TRIM66: variants seen among roughly 807,000 people sequenced by gnomAD.
TRIM66 encodes the protein tripartite motif-containing protein 66.
In TRIM66, 99 loss-of-function variants were observed where a neutral mutation model predicts 148.2. That is an observed-to-expected ratio of 0.67 (90% CI 0.57 to 0.79). The LOEUF is 0.79. TRIM66 is among the 30% of genes least tolerant of loss of function. TRIM66 has a pLI of 0.00. For missense variants in TRIM66, 1,666 were observed against 1,697.9 expected, an observed-to-expected ratio of 0.98 and a Z score of 0.33; for synonymous variants, 616 against 635.9, an observed-to-expected ratio of 0.97 and a Z score of 0.47.
chr11:8,648,572 G>A (rs2037070312), intron 8 of TRIM66, 24 bp from the exon 9 acceptor site: 2 of 1,551,086 alleles, frequency 1.3e-6, no homozygotes, highest in Non-Finnish European at 1.7e-6. Context: ...CAGAGAAAGT[G>A]AGCTTCTCTT....
At chr11:8,636,994 T>C (rs188303830) in intron 15 of TRIM66, among the ~76,000 whole-genome samples, 2 of 152,306 alleles carry the variant, frequency 1.3e-5, no homozygotes, top group African/African-American at 4.8e-5. Flanking sequence ...TGAAGCTCCC[T>C]AGTTGCCATT....
intron 7 of TRIM66, among the ~76,000 whole-genome samples, chr11:8,651,253 A>G (rs181201715): frequency 2.3e-3 from 348 of 152,344 alleles, no homozygotes; most frequent in African/African-American, 7.4e-3. Context: ...TACAGGAACA[A>G]GTAAGTAAAT....
intron 15 of TRIM66, among the ~76,000 whole-genome samples, chr11:8,628,973 T>A (rs1016519295): frequency 6.6e-6 from 1 of 152,246 alleles, no homozygotes; most frequent in African/African-American, 2.4e-5. Flanking sequence ...TATATTTTCC[T>A]TAGTAGTTTA....
intron 10 of TRIM66, among the ~76,000 whole-genome samples, chr11:8,647,126 T>C (rs2036933747): frequency 6.6e-6 from 1 of 150,778 alleles, no homozygotes; most frequent in Admixed American, 6.6e-5. Context: ...TATAATAATG[T>C]TTATATTAAT....
intron 12 of TRIM66, chr11:8,644,483 A>G: frequency 2.2e-6 from 1 of 450,018 alleles, no homozygotes; most frequent in Admixed American, 2.4e-5. Context: ...CCCAACTTGT[A>G]TCCCTTCTAC....
At chr11:8,631,963 C>A (rs1395804143) in intron 15 of TRIM66, among the ~76,000 whole-genome samples, 1 of 152,070 alleles carries the variant, frequency 6.6e-6, no homozygotes. Flanking sequence ...GAAAAAGGGA[C>A]CACAGATTTG....
In TRIM66 at chr11:8,621,980, C is replaced by A. The variant is rs141030464; in HGVS notation, c.3081-161G>T. ...TATCCTGGGTGTGTCTGTGATGGCA[C>A]TGCCAAAGGAGATTAACATTTGAGT... On this transcript the variant is annotated intron_variant, in intron 18 of 24. Transcript: ENST00000646038. Among the ~76,000 whole-genome samples, 226 of 152,172 alleles carry A rather than the reference C, an allele frequency of 1.5e-3. 4 individuals are homozygous for A. In the East Asian group the frequency reaches 0.026, roughly 18 times the overall value.
chr11:8,651,844 A>T lies in TRIM66; in HGVS notation c.400T>A (p.Phe134Ile). 1.9e-6 allele frequency: 3 copies of T among 1,551,724 alleles called. No individual in the cohort carries two copies. The highest frequency in any genetic ancestry group is 2.6e-6 in the Non-Finnish European group (3 of 1,147,006). The change falls in exon 7 of 25, where the codon TTT becomes ATT. Residue 134 changes from phenylalanine (F) to isoleucine (I), a missense_variant. Transcript: ENST00000646038. ...VYLTRDVTEHFFLHCVPTEQP... is the reference protein window; with the variant it reads ...VYLTRDVTEHIFLHCVPTEQP... ...TCAGTAGGAACACAATGCAGAAAAA[A>T]ATGTTCAGTTACATCCCTGGTAAGA... is the stretch of plus-strand genomic sequence containing the variant.
At chr11:8,618,472 C>T (rs1323988197) in intron 24 of TRIM66, among the ~76,000 whole-genome samples, 1 of 152,226 alleles carries the variant, frequency 6.6e-6, no homozygotes, top group Non-Finnish European at 1.5e-5. Flanking sequence ...AACTGGGAAT[C>T]AGGACAACTG....
chr11:8,616,867 G>A lies in TRIM66; in HGVS notation c.*1077C>T, dbSNP rs569683420. On this transcript the variant is annotated 3_prime_UTR_variant, in exon 25 of 25. Transcript: ENST00000646038. ...TTGGGGCTGTAGACAGCCTGGAGGCGGGCTGGTCAGAAGACTCACTTCTGA... is the reference window on the plus strand; with the variant it reads ...TTGGGGCTGTAGACAGCCTGGAGGCAGGCTGGTCAGAAGACTCACTTCTGA... 1.9e-4 allele frequency: 29 copies of A among 152,262 alleles called. No homozygotes were observed. The highest frequency in any genetic ancestry group is 3.4e-4 in the Non-Finnish European group (23 of 68,060). 9.4% of individuals were successfully genotyped at this position (152,262 alleles called of 1,614,324 possible).
At chr11:8,632,426 T>C (rs2035489442) in intron 15 of TRIM66, among the ~76,000 whole-genome samples, 1 of 152,028 alleles carries the variant, frequency 6.6e-6, no homozygotes, top group Non-Finnish European at 1.5e-5. Flanking sequence ...GGACTAACTT[T>C]TCTAGTAAGC....
intron 6 of TRIM66, among the ~76,000 whole-genome samples, chr11:8,670,489 T>C (rs2038873095): frequency 6.6e-6 from 1 of 152,246 alleles, no homozygotes; most frequent in South Asian, 2.1e-4. Flanking sequence ...ATATTTATGA[T>C]TCACCATATT....
In TRIM66 at chr11:8,640,850, A is replaced by T; in HGVS notation, c.1525T>A (p.Ser509Thr). The T allele has an allele frequency of 1.3e-6, 2 of 1,550,366 alleles. No individual in the cohort carries two copies. The highest frequency in any genetic ancestry group is 2.4e-5 in the South Asian group (2 of 84,006). Residue 509 changes from serine to threonine, a missense_variant, in exon 14 of 25, where the codon TCT becomes ACT. Around this residue, in one of 3 missense-constraint regions of TRIM66, gnomAD observed 1,431 missense variants for 1,412.4 expected, o/e 1.01. Coordinates refer to ENST00000646038, the MANE Select transcript of TRIM66 (RefSeq NM_001388022.1). ...VPQQLGSLQC[S>T]ALLPREKELA... Reference sequence around the variant, plus strand: ...TCTTTCTCCCTGGGCAGCAGGGCAGAGCACTGCAGAGACCCCAGCTGCTGG... The same window carrying T: ...TCTTTCTCCCTGGGCAGCAGGGCAGTGCACTGCAGAGACCCCAGCTGCTGG...
At chr11:8,672,873 T>A (rs1470996058) in intron 4 of TRIM66, among the ~76,000 whole-genome samples, 2 of 151,608 alleles carry the variant, frequency 1.3e-5, no homozygotes, top group Non-Finnish European at 2.9e-5. Context: ...TCAAGTGATC[T>A]GCCTGCCTTG....
chr11:8,667,402 C>T (rs2038668845), intron 6 of TRIM66, among the ~76,000 whole-genome samples: 1 of 152,138 alleles, frequency 6.6e-6, no homozygotes, highest in Non-Finnish European at 1.5e-5. Context: ...ACACTATCAA[C>T]AGAATGAAAA....
chr11:8,663,797 T>TA (rs1332574432), intron 6 of TRIM66, among the ~76,000 whole-genome samples: 3 of 151,752 alleles, frequency 2.0e-5, no homozygotes, highest in Non-Finnish European at 4.4e-5. Flanking sequence ...ATTCAACCAT[T>TA]AAAAAAAAGG....
intron 15 of TRIM66, among the ~76,000 whole-genome samples, chr11:8,636,376 G>T (rs76955672): frequency 6.6e-6 from 1 of 152,032 alleles, no homozygotes; most frequent in Non-Finnish European, 1.5e-5. Flanking sequence ...CCCATCAGGC[G>T]GTTACAGCAA....
intron 6 of TRIM66, among the ~76,000 whole-genome samples, chr11:8,667,658 T>C (rs1324384130): frequency 6.6e-6 from 1 of 152,248 alleles, no homozygotes; most frequent in Non-Finnish European, 1.5e-5. Context: ...ACCAGAATCA[T>C]ACAGTACTTG....
At position 8,621,201 on chromosome 11, in the gene TRIM66, G is replaced by A. The variant is rs1302126188; in HGVS notation, c.3376C>T (p.His1126Tyr). Residue 1126 changes from histidine to tyrosine, a missense_variant, in exon 20 of 25, where the codon CAC becomes TAC. Around this residue, in one of 3 missense-constraint regions of TRIM66, gnomAD observed 1,431 missense variants for 1,412.4 expected, o/e 1.01. Coordinates refer to ENST00000646038, the MANE Select transcript of TRIM66 (RefSeq NM_001388022.1). ...PEVEGTSPEEHRLIPRTPGAK... is the reference protein window; with the variant it reads ...PEVEGTSPEEYRLIPRTPGAK... ...CCTGGGGTTCGAGGAATGAGTCTGTGTTCTTCAGGAGATGTGCCCTCCACT... is the reference window on the plus strand; with the variant it reads ...CCTGGGGTTCGAGGAATGAGTCTGTATTCTTCAGGAGATGTGCCCTCCACT... The A allele has an allele frequency of 1.3e-6, 2 of 1,551,614 alleles. No homozygotes were observed. The highest frequency in any genetic ancestry group is 1.7e-6 in the Non-Finnish European group (2 of 1,147,006).
Sources: gnomAD v4.1 joint callset for allele counts (sites outside exome capture counted in the v4.1 genomes callset) on GRCh38, gnomAD v4.1.1 for gene constraint, gnomAD v4.1.1 regional missense constraint, MANE v1.5 for transcripts, NCBI Gene and HGNC (gene_info 2026-07-23, HGNC 2026-07-21) for gene names.